TRIM49B: variants seen among roughly 807,000 people sequenced by gnomAD.
TRIM49B encodes the protein putative tripartite motif-containing protein 49B.
In TRIM49B, 18 loss-of-function variants were observed where a neutral mutation model predicts 31.8. That is an observed-to-expected ratio of 0.57 (90% CI 0.39 to 0.84). TRIM49B has a LOEUF of 0.84. Ranked by LOEUF, TRIM49B falls within the 40% of genes least tolerant of loss-of-function variation. TRIM49B has a pLI of 0.00. For synonymous variants in TRIM49B, 196 were observed against 180.6 expected, an observed-to-expected ratio of 1.09 and a Z score of -0.68; for missense variants, 494 against 538.7, an observed-to-expected ratio of 0.92 and a Z score of 0.82.
chr11:49,035,986 A>G (rs1168715932), intron 5 of TRIM49B, among the ~76,000 whole-genome samples: 3 of 56,118 alleles, frequency 5.3e-5, no homozygotes, highest in Non-Finnish European at 1.2e-4. Context: ...TTTCAGACAA[A>G]GATGTCAGGG....
In TRIM49B at chr11:49,037,685, G is replaced by A; in HGVS notation, c.1067G>A (p.Gly356Asp). Reference protein sequence around the residue: ...HVGDSWNWAFGVCNMYWKEKN... With the variant: ...HVGDSWNWAFDVCNMYWKEKN... ...GGGGACTCCTGGAATTGGGCTTTTG[G>A]TGTCTGTAATATGTATTGGAAAGAG... The change falls in exon 7 of 7, where the codon GGT becomes GAT. Residue 356 changes from glycine to aspartate, a missense_variant. By Grantham distance (94) the Gly-to-Asp change is moderately conservative. Transcript: ENST00000332682. 1 of 1,613,906 alleles carries A rather than the reference G, an allele frequency of 6.2e-7. No homozygotes were observed. Among genetic ancestry groups the A allele is most frequent in the Non-Finnish European group, 8.5e-7 (1 of 1,179,852 alleles).
At chr11:49,034,001 G>A (rs985260868) in intron 3 of TRIM49B, 145 bp from the exon 4 acceptor site, 3 of 1,382,078 alleles carry the variant, frequency 2.2e-6, no homozygotes, top group African/African-American at 2.9e-5. Context: ...GCAGAAAAAA[G>A]GAAAGGAACA....
chr11:49,034,041 CAG>C (rs1431716335), intron 3 of TRIM49B, 103 bp from the exon 4 acceptor site: 223 of 1,589,074 alleles, frequency 1.4e-4, no homozygotes, highest in Non-Finnish European at 1.8e-4. Flanking sequence ...ACTGGCAAGA[CAG>C]AGGTTTGAAC....
intron 1 of TRIM49B, among the ~76,000 whole-genome samples, chr11:49,030,423 T>C (rs1854430025): frequency 6.6e-6 from 1 of 152,162 alleles, no homozygotes; most frequent in Non-Finnish European, 1.5e-5. Context: ...TGATTCTACA[T>C]GGGACAGAAT....
chr11:49,036,112 C>T (rs1274792468), intron 5 of TRIM49B, among the ~76,000 whole-genome samples, 189 bp from the exon 6 acceptor site: 2 of 152,002 alleles, frequency 1.3e-5, no homozygotes, highest in Non-Finnish European at 2.9e-5. Flanking sequence ...TGAATTCTGG[C>T]TTAGATTCTT....
chr11:49,037,472 T>C lies in TRIM49B; in HGVS notation c.860-6T>C. The C allele has an allele frequency of 6.2e-7, 1 of 1,608,536 alleles. No individual in the cohort carries two copies. Among genetic ancestry groups the C allele is most frequent in the Non-Finnish European group, 8.5e-7 (1 of 1,178,290 alleles). ...CGTCTATGCATGTTTTCTCTTTTTT[T>C]TGCAGTGCATATTACTCTGCATCAT... is the stretch of plus-strand genomic sequence containing the variant. On this transcript the variant is annotated splice_region_variant and splice_polypyrimidine_tract_variant and intron_variant, in intron 6 of 6. Transcript: ENST00000332682.
intron 6 of TRIM49B, among the ~76,000 whole-genome samples, chr11:49,036,758 T>TAAGA: frequency 6.6e-6 from 1 of 152,198 alleles, no homozygotes. Flanking sequence ...TTTGAACTGC[T>TAAGA]AAGAACTGTT....
intron 6 of TRIM49B, 113 bp downstream of exon 6, chr11:49,036,511 T>A (rs7104194): frequency 0.055 from 36,750 of 666,776 alleles, 1,406 homozygotes; most frequent in African/African-American, 0.15. Context: ...AAGACATAAG[T>A]GAACAATATA....
intron 1 of TRIM49B, among the ~76,000 whole-genome samples, chr11:49,030,628 T>G (rs1854432255): frequency 6.6e-6 from 1 of 152,084 alleles, no homozygotes; most frequent in Admixed American, 6.5e-5. Context: ...GTCAGCTGAC[T>G]GGATGGTGCC....
chr11:49,031,514 A>G, intron 1 of TRIM49B, 82 bp from the exon 2 acceptor site: 2 of 1,555,834 alleles, frequency 1.3e-6, no homozygotes, highest in Non-Finnish European at 8.6e-7. Context: ...AGAAGAAAAT[A>G]TAACTATCAC....
Position 49,034,412 on chromosome 11 carries a change from A to T in TRIM49B, c.738+36A>T, listed in dbSNP as rs767990611. On this transcript the variant is annotated intron_variant, in intron 4 of 6. Transcript: ENST00000332682. ...GCCATGTGGTTTCAGGTTTTTGAAT[A>T]TTCACATGTATAAGTATTTTCCTCA... 13 of 1,611,844 alleles carry T rather than the reference A, an allele frequency of 8.1e-6. No individual in the cohort carries two copies. The African/African-American group carries it at 1.7e-4, about 22-fold the overall frequency.
intron 6 of TRIM49B, among the ~76,000 whole-genome samples, 170 bp downstream of exon 6, chr11:49,036,568 A>G (rs2134702004): frequency 6.6e-6 from 1 of 152,164 alleles, no homozygotes; most frequent in African/African-American, 2.4e-5. Context: ...AGTCAGATTT[A>G]TAGCATTAAG....
chr11:49,032,374 T>A lies in TRIM49B; in HGVS notation c.507+3T>A. 6.2e-7 allele frequency: 1 copy of A among 1,612,914 alleles called. No individual in the cohort carries two copies. The highest frequency in any genetic ancestry group is 8.5e-7 in the Non-Finnish European group (1 of 1,179,584). Reference sequence around the variant, plus strand: ...CCACCAGAACCAGATGCTGGAAGGTTAGTCCTGTACTACTCTACCTTCTCC... The same window carrying A: ...CCACCAGAACCAGATGCTGGAAGGTAAGTCCTGTACTACTCTACCTTCTCC... On this transcript the variant is annotated splice_donor_region_variant and intron_variant, in intron 3 of 6. Transcript: ENST00000332682.
chr11:49,031,320 C>T lies in TRIM49B; in HGVS notation c.-4-276C>T, dbSNP rs3960862. Reference sequence around the variant, plus strand: ...AATCAAAACCCAATTTCCAGATCTACGTTCAGAAAATGGGTAGTTGAATAG... The same window carrying T: ...AATCAAAACCCAATTTCCAGATCTATGTTCAGAAAATGGGTAGTTGAATAG... On this transcript the variant is annotated intron_variant, in intron 1 of 6. Transcript: ENST00000332682. Among the ~76,000 whole-genome samples, 37 of 152,228 alleles carry T rather than the reference C, an allele frequency of 2.4e-4. No individual in the cohort carries two copies. The East Asian group carries it at 6.2e-3, about 25-fold the overall frequency.
Position 49,031,801 on chromosome 11 carries a change from A to G in TRIM49B, c.202A>G (p.Ile68Val). ...STGQINLKTNIHFKKMASLAR... is the reference protein window; with the variant it reads ...STGQINLKTNVHFKKMASLAR... ...AGGGCAGATAAACCTCAAAACCAACATTCATTTCAAGAAGATGGCTTCTCT... is the reference window on the plus strand; with the variant it reads ...AGGGCAGATAAACCTCAAAACCAACGTTCATTTCAAGAAGATGGCTTCTCT... Residue 68 changes from isoleucine (I) to valine (V), a missense_variant, in exon 2 of 7, where the codon ATT becomes GTT. By Grantham distance (29) the Ile-to-Val change is conservative. Around this residue, in one of 3 missense-constraint regions of TRIM49B, gnomAD observed 251 missense variants for 232.8 expected, o/e 1.08. Coordinates refer to ENST00000332682, the MANE Select transcript of TRIM49B (RefSeq NM_001206626.2). 1 of 1,613,998 alleles carries G rather than the reference A, an allele frequency of 6.2e-7. No homozygotes were observed. The highest frequency in any genetic ancestry group is 1.1e-5 in the South Asian group (1 of 91,078).
At chr11:49,032,854 A>G (rs1259371645) in intron 3 of TRIM49B, among the ~76,000 whole-genome samples, 2 of 152,206 alleles carry the variant, frequency 1.3e-5, no homozygotes, top group Non-Finnish European at 2.9e-5. Context: ...CATGAAATTA[A>G]GAATCTCAAC....
chr11:49,035,995 G>T (rs1395964766), intron 5 of TRIM49B, among the ~76,000 whole-genome samples: 1 of 50,842 alleles, frequency 2.0e-5, no homozygotes, highest in Non-Finnish European at 4.5e-5. Flanking sequence ...AAGATGTCAG[G>T]GGAGTCTGCC....
Position 49,038,037 on chromosome 11 carries a change from C to T in TRIM49B, c.*60C>T, listed in dbSNP as rs1854558528. 1 of 1,573,782 alleles carries T rather than the reference C, an allele frequency of 6.4e-7. No homozygotes were observed. The highest frequency in any genetic ancestry group is 8.6e-7 in the Non-Finnish European group (1 of 1,163,752). ...GGGAACCCCTTTATCCCAGGAAGTC[C>T]TCTTCCTTGTGCCTTAACATACAGG... On this transcript the variant is annotated 3_prime_UTR_variant, in exon 7 of 7. Transcript: ENST00000332682.
At position 49,038,083 on chromosome 11, in the gene TRIM49B, A is replaced by T. The variant is rs1396960685; in HGVS notation, c.*106A>T. On this transcript the variant is annotated 3_prime_UTR_variant, in exon 7 of 7. Coordinates refer to ENST00000332682, the MANE Select transcript of TRIM49B (RefSeq NM_001206626.2). ...ACAGGACAAATAGGCTCTATTTTAT[A>T]TCTTGAATTGCCTTCTAATGTTATC... 2 of 1,556,770 alleles carry T rather than the reference A, an allele frequency of 1.3e-6. No homozygotes were observed. Among genetic ancestry groups the T allele is most frequent in the African/African-American group, 2.8e-5 (2 of 72,124 alleles).
Sources: allele counts gnomAD v4.1 joint callset (sites outside exome capture counted in the v4.1 genomes callset), GRCh38; gene constraint gnomAD v4.1.1; regional missense constraint gnomAD v4.1.1; transcripts MANE v1.5; gene names NCBI Gene and HGNC (gene_info 2026-07-23, HGNC 2026-07-21).